Variants in COQ4 observed in about 807,000 individuals in gnomAD.
COQ4 encodes coenzyme Q4.
COQ4 carries 36 observed loss-of-function variants against 30.2 expected under a neutral mutation model. That is an observed-to-expected ratio of 1.19 (90% CI 0.91 to 1.57). The LOEUF is 1.57. Among genes scored for constraint, COQ4 ranks in the 40% most tolerant of loss-of-function variants. The pLI is 0.00. For missense variants in COQ4, 369 were observed against 371.9 expected (o/e 0.99, Z 0.07); for synonymous variants, 197 against 161.0 (o/e 1.22, Z -1.69).
chr9:128,330,244 G>A (rs1486125070), intron 4 of COQ4, among the ~76,000 whole-genome samples: 3 of 151,082 alleles, frequency 2.0e-5, no homozygotes, highest in Admixed American at 6.6e-5. Flanking sequence ...GTAGTGGCAC[G>A]TGCCTGTAAT....
intron 4 of COQ4, among the ~76,000 whole-genome samples, chr9:128,328,164 G>T (rs190245286): frequency 3.3e-5 from 5 of 152,264 alleles, no homozygotes; most frequent in African/African-American, 1.2e-4. Context: ...GCTGGAAGGG[G>T]AGCCAGGGCT....
intron 6 of COQ4, 137 bp from the exon 7 acceptor site, chr9:128,333,337 C>T: frequency 1.4e-6 from 1 of 720,388 alleles, no homozygotes; most frequent in Non-Finnish European, 2.2e-6. Context: ...TCTGTTGCCT[C>T]ATCTAAAAAG....
chr9:128,332,643 T>C, intron 5 of COQ4: 4 of 601,836 alleles, frequency 6.6e-6, no homozygotes, highest in Non-Finnish European at 1.2e-5. Context: ...CAGGCTTCCT[T>C]TCCATCCCCT....
intron 6 of COQ4, among the ~76,000 whole-genome samples, chr9:128,333,254 G>A (rs997025977): frequency 1.3e-5 from 2 of 152,144 alleles, no homozygotes; most frequent in African/African-American, 4.8e-5. Context: ...GAGTGAGGGA[G>A]CCATGATTTA....
chr9:128,322,942 G>C lies in COQ4; in HGVS notation c.70+14G>C. Reference sequence around the variant, plus strand: ...GGCCTGCGGCAGGCAAGTGGCGCCGGGTTCTGGGCGCAGGCGGGAAGGAGC... The same window carrying C: ...GGCCTGCGGCAGGCAAGTGGCGCCGCGTTCTGGGCGCAGGCGGGAAGGAGC... On this transcript the variant is annotated intron_variant, in intron 1 of 6. Coordinates refer to ENST00000300452, the MANE Select transcript of COQ4 (RefSeq NM_016035.5). 1 of 1,603,180 alleles carries C rather than the reference G, an allele frequency of 6.2e-7. No individual in the cohort carries two copies. Among genetic ancestry groups the C allele is most frequent in the South Asian group, 1.1e-5 (1 of 90,882 alleles).
At chr9:128,333,146 T>A (rs960492427) in intron 6 of COQ4, among the ~76,000 whole-genome samples, 1 of 152,194 alleles carries the variant, frequency 6.6e-6, no homozygotes, top group African/African-American at 2.4e-5. Context: ...AAATAAAGCC[T>A]GTACATTTCA....
At chr9:128,326,222 C>T (rs1029989610) in intron 4 of COQ4, 2 of 494,546 alleles carry the variant, frequency 4.0e-6, no homozygotes, top group Non-Finnish European at 7.2e-6. Flanking sequence ...GTGAAGCAAA[C>T]TTGCTAATTC....
chr9:128,322,955 G>T, intron 1 of COQ4, 27 bp downstream of exon 1: 1 of 1,604,434 alleles, frequency 6.2e-7, no homozygotes, highest in Non-Finnish European at 8.5e-7. Context: ...TCTGGGCGCA[G>T]GCGGGAAGGA....
intron 4 of COQ4, among the ~76,000 whole-genome samples, chr9:128,329,597 T>A (rs1005091902): frequency 6.6e-6 from 1 of 152,218 alleles, no homozygotes; most frequent in Non-Finnish European, 1.5e-5. Context: ...CTCAAACTCC[T>A]GACCTCAAGT....
At chr9:128,332,728 C>A in intron 5 of COQ4, 122 bp from the exon 6 acceptor site, 1 of 808,230 alleles carries the variant, frequency 1.2e-6, no homozygotes, top group Non-Finnish European at 2.2e-6. Flanking sequence ...CAGGCCAGGA[C>A]TGGGCACAGC....
At position 128,332,731 on chromosome 9, in the gene COQ4, G is replaced by A. The variant is rs1588545557; in HGVS notation, c.533-119G>A. ...CAGGGCCCAGCACAGGCCAGGACTG[G>A]GCACAGCTGACCCCGTAGAGATTAG... On this transcript the variant is annotated intron_variant, in intron 5 of 6. Coordinates refer to ENST00000300452, the MANE Select transcript of COQ4 (RefSeq NM_016035.5). 3.6e-6 allele frequency: 3 copies of A among 824,844 alleles called. No individual in the cohort carries two copies. In the East Asian group the frequency reaches 7.3e-5, roughly 20 times the overall value. 51.1% of individuals were successfully genotyped at this position (824,844 alleles called of 1,614,324 possible). A position where few individuals can be genotyped will look rare whatever the true frequency, so the allele number is the denominator to read the frequency against.
intron 4 of COQ4, among the ~76,000 whole-genome samples, chr9:128,330,036 C>A (rs1832379103): frequency 6.6e-6 from 1 of 152,042 alleles, no homozygotes; most frequent in African/African-American, 2.4e-5. Context: ...CAGTCCTGCC[C>A]TTGTGTAGCA....
intron 4 of COQ4, among the ~76,000 whole-genome samples, chr9:128,327,444 A>G (rs1319148624): frequency 6.6e-6 from 1 of 152,096 alleles, no homozygotes; most frequent in Admixed American, 6.5e-5. Context: ...CTCTGTCTCC[A>G]ACAAAACAAA....
rs1832426781 is a variant in COQ4 at position 128,332,246 on chromosome 9, C to A, written c.496C>A (p.Leu166Ile). 6.2e-7 allele frequency: 1 copy of A among 1,613,452 alleles called. No individual in the cohort carries two copies. Among genetic ancestry groups the A allele is most frequent in the African/African-American group, 1.3e-5 (1 of 75,024 alleles). Residue 166 changes from leucine to isoleucine, a missense_variant, in exon 5 of 7, where the codon CTT (leucine) becomes ATT (isoleucine). By Grantham distance (5) the Leu-to-Ile change is conservative. Coordinates refer to ENST00000300452, the MANE Select transcript of COQ4 (RefSeq NM_016035.5). ...GCGGTACCGGGAGGTGCACGACATG[C>A]TTCACACCCTGCTGGGGATGCCCAC... ...IQRYREVHDM[L>I]HTLLGMPTNI...
intron 2 of COQ4, among the ~76,000 whole-genome samples, chr9:128,324,298 A>AT (rs1371836170): frequency 6.6e-6 from 1 of 151,312 alleles, no homozygotes; most frequent in Non-Finnish European, 1.5e-5. Flanking sequence ...GAATTTTTTA[A>AT]TTTTTTTGTA....
chr9:128,326,545 C>A (rs1398792192), intron 4 of COQ4: 1 of 152,204 alleles, frequency 6.6e-6, no homozygotes, highest in African/African-American at 2.4e-5. Flanking sequence ...CAGGTACACG[C>A]CATTCTCCTG....
Position 128,324,410 on chromosome 9 carries a change from G to A in COQ4, c.203-733G>A, listed in dbSNP as rs565502662. 2.5e-3 allele frequency among the ~76,000 whole-genome samples: 376 copies of A among 152,198 alleles called. 7 individuals are homozygous for A. Among genetic ancestry groups the A allele is most frequent in the Non-Finnish European group, 3.8e-4 (26 of 68,020 alleles). On this transcript the variant is annotated intron_variant, in intron 2 of 6. Coordinates refer to ENST00000300452, the MANE Select transcript of COQ4 (RefSeq NM_016035.5). ...AGTGTTGAGATTACAGGTGTCAGCC[G>A]CTACACTTGGCCACTAAGTGTTATA...
At position 128,333,617 on chromosome 9, in the gene COQ4, C is replaced by G; in HGVS notation, c.770C>G (p.Pro257Arg). 1 of 1,587,868 alleles carries G rather than the reference C, an allele frequency of 6.3e-7. No homozygotes were observed. Among genetic ancestry groups the G allele is most frequent in the Non-Finnish European group, 8.5e-7 (1 of 1,170,308 alleles). Residue 257 changes from proline (P) to arginine (R), a missense_variant, in exon 7 of 7, where the codon CCA (proline) becomes CGA (arginine). Pro to Arg is a moderately radical substitution (Grantham distance 103). Coordinates refer to ENST00000300452, the MANE Select transcript of COQ4 (RefSeq NM_016035.5). The part of the protein sequence containing the change: ...ALREELGITA[P>R]PMHVQGLA Reference sequence around the variant, plus strand: ...CGGGAGGAGCTGGGCATTACAGCACCACCCATGCACGTCCAGGGCTTGGCC... The same window carrying G: ...CGGGAGGAGCTGGGCATTACAGCACGACCCATGCACGTCCAGGGCTTGGCC...
chr9:128,331,292 A>G (rs541341744), intron 4 of COQ4: 14 of 151,942 alleles, frequency 9.2e-5, no homozygotes, highest in African/African-American at 3.1e-4. Flanking sequence ...TCTAGGAGAC[A>G]TTAATACTCA....
Sources: gnomAD v4.1 joint callset for allele counts (sites outside exome capture counted in the v4.1 genomes callset) on GRCh38, gnomAD v4.1.1 for gene constraint, MANE v1.5 for transcripts, NCBI Gene and HGNC (gene_info 2026-07-23, HGNC 2026-07-21) for gene names.